SLC12A1: variants seen among roughly 807,000 people sequenced by gnomAD.
The protein encoded by SLC12A1 is solute carrier family 12 member 1.
In SLC12A1, 89 loss-of-function variants were observed where a neutral mutation model predicts 130.4. The observed-to-expected ratio is 0.68, with a 90% CI of 0.58 to 0.81. SLC12A1 has a LOEUF of 0.81. Among genes scored for constraint, SLC12A1 ranks in the 40% least tolerant of loss-of-function variants. SLC12A1 has a pLI of 0.00. For missense variants in SLC12A1, 1,310 were observed against 1,336.4 expected (o/e 0.98, Z 0.31); for synonymous variants, 499 against 460.0 (o/e 1.08, Z -1.09).
chr15:48,230,339 A>G, intron 6 of SLC12A1, 54 bp from the exon 7 acceptor site: 1 of 1,044,228 alleles, frequency 9.6e-7, no homozygotes, highest in Non-Finnish European at 1.5e-6. Context: ...TGCTGCAATA[A>G]GACTCACATG....
chr15:48,289,404 T>C (rs1352900232), intron 23 of SLC12A1, among the ~76,000 whole-genome samples: 2 of 110,022 alleles, frequency 1.8e-5, no homozygotes, highest in African/African-American at 4.8e-5. Flanking sequence ...CATATATATA[T>C]ATATATATAT....
At position 48,303,042 on chromosome 15, in the gene SLC12A1, G is replaced by T. The variant is rs573476791; in HGVS notation, c.*157G>T. 5.1e-4 allele frequency: 274 copies of T among 538,464 alleles called. 7 individuals are homozygous for T. In the South Asian group the frequency reaches 0.011, roughly 22 times the overall value. 33.4% of individuals were successfully genotyped at this position (538,464 alleles called of 1,614,324 possible). ...CATTGCATAATTTTTATCAGTTAAT[G>T]CGAGCTTTTTTTTCTCTTCTCAGCT... On this transcript the variant is annotated 3_prime_UTR_variant, in exon 27 of 27. Coordinates refer to ENST00000380993, the MANE Select transcript of SLC12A1 (RefSeq NM_000338.3).
chr15:48,252,740 A>G (rs2041662300), intron 15 of SLC12A1, among the ~76,000 whole-genome samples: 1 of 152,128 alleles, frequency 6.6e-6, no homozygotes, highest in Admixed American at 6.5e-5. Context: ...GGTTTGGTTA[A>G]TCAGAGTCAG....
chr15:48,215,650 C>T (rs2141010736), intron 2 of SLC12A1, among the ~76,000 whole-genome samples: 1 of 152,300 alleles, frequency 6.6e-6, no homozygotes, highest in Non-Finnish European at 1.5e-5. Flanking sequence ...ACAAACCCTC[C>T]ACCCAAAGTC....
Position 48,279,159 on chromosome 15 carries a change from A to G in SLC12A1, c.2485+4506A>G, listed in dbSNP as rs1284564669. On this transcript the variant is annotated intron_variant, in intron 20 of 26. Coordinates refer to ENST00000380993, the MANE Select transcript of SLC12A1 (RefSeq NM_000338.3). ...GAAATTAACTTTCCGCCACATTTCC[A>G]TGCATTGTTTTGAGGTTTATGTAAT... 2.6e-5 allele frequency among the ~76,000 whole-genome samples: 4 copies of G among 152,242 alleles called. No homozygotes were observed. In the East Asian group the frequency reaches 7.7e-4, roughly 29 times the overall value.
intron 23 of SLC12A1, among the ~76,000 whole-genome samples, chr15:48,289,600 G>A (rs1282336282): frequency 6.6e-6 from 1 of 151,880 alleles, no homozygotes; most frequent in Non-Finnish European, 1.5e-5. Flanking sequence ...AGATGGTATA[G>A]CCTACTACAC....
At chr15:48,277,356 T>C (rs1240889476) in intron 20 of SLC12A1, among the ~76,000 whole-genome samples, 1 of 152,036 alleles carries the variant, frequency 6.6e-6, no homozygotes, top group Non-Finnish European at 1.5e-5. Flanking sequence ...TCATCTAAAA[T>C]TGGAGCAAAG....
Position 48,238,420 on chromosome 15 carries a change from G to A in SLC12A1, c.1216-3095G>A, listed in dbSNP as rs74776987. ...GAAGACAGAAGAGGTTTGAGGCAGC[G>A]TTCAGGCAGACACAGACCTTCAAAG... On this transcript the variant is annotated intron_variant, in intron 9 of 26. Transcript: ENST00000380993. Among the ~76,000 whole-genome samples the A allele has an allele frequency of 2.5e-4, 38 of 152,226 alleles. No individual in the cohort carries two copies. In the East Asian group the frequency reaches 6.8e-3, roughly 27 times the overall value.
rs182729026 is a variant in SLC12A1, at chr15:48,302,349, G to T, written c.3165-401G>T. 6.1e-4 allele frequency among the ~76,000 whole-genome samples: 93 copies of T among 152,024 alleles called. 1 individual carries two copies. The East Asian group carries it at 0.012, about 20-fold the overall frequency. On this transcript the variant is annotated intron_variant, in intron 26 of 26. Transcript: ENST00000380993. ...AAAATTAAGGCTGCCGGCCGGGCGC[G>T]GTGGCTCACGCCTGCAATCCCAGCA...
At chr15:48,294,347 C>CAAAA (rs1202623612) in intron 24 of SLC12A1, among the ~76,000 whole-genome samples, 10 of 46,298 alleles carry the variant, frequency 2.2e-4, no homozygotes, top group African/African-American at 6.5e-4. Flanking sequence ...GACTACATCT[C>CAAAA]AAAAAAAAAA....
In SLC12A1 at chr15:48,249,634, A is replaced by G; in HGVS notation, c.1744A>G (p.Ile582Val). 1 of 1,613,944 alleles carries G rather than the reference A, an allele frequency of 6.2e-7. No homozygotes were observed. The highest frequency in any genetic ancestry group is 8.5e-7 in the Non-Finnish European group (1 of 1,179,844). ...SNFFLASYALINFSCFHASYA... is the reference protein window; with the variant it reads ...SNFFLASYALVNFSCFHASYA... ...CTTTTTCCTGGCCTCATATGCACTT[A>G]TTAATTTCTCCTGCTTCCATGCCTC... The change falls in exon 14 of 27, where the codon ATT becomes GTT. Residue 582 changes from isoleucine to valine, a missense_variant. Physicochemically the swap from Ile to Val is conservative, Grantham distance 29. Transcript: ENST00000380993.
At chr15:48,275,750 C>A (rs2041945187) in intron 20 of SLC12A1, among the ~76,000 whole-genome samples, 1 of 152,016 alleles carries the variant, frequency 6.6e-6, no homozygotes, top group African/African-American at 2.4e-5. Flanking sequence ...AGGAAGCCGA[C>A]AATAGTAAAA....
chr15:48,240,662 C>T (rs894980363), intron 9 of SLC12A1, among the ~76,000 whole-genome samples: 6 of 152,116 alleles, frequency 3.9e-5, no homozygotes, highest in Non-Finnish European at 8.8e-5. Flanking sequence ...GGGACTCATA[C>T]CTGCTGAGAT....
intron 1 of SLC12A1, among the ~76,000 whole-genome samples, chr15:48,206,975 T>C (rs1266765552): frequency 2.6e-5 from 4 of 152,186 alleles, no homozygotes; most frequent in Non-Finnish European, 5.9e-5. Flanking sequence ...ATGGGATGTA[T>C]TTTTTAAATG....
At chr15:48,233,068 A>G (rs1212944528) in intron 8 of SLC12A1, among the ~76,000 whole-genome samples, 9 of 152,236 alleles carry the variant, frequency 5.9e-5, no homozygotes. Flanking sequence ...TGGGCACACC[A>G]TAGGTTTTAG....
intron 2 of SLC12A1, among the ~76,000 whole-genome samples, chr15:48,214,915 T>C (rs2041100949): frequency 6.6e-6 from 1 of 152,084 alleles, no homozygotes; most frequent in Non-Finnish European, 1.5e-5. Flanking sequence ...AACAGGGGGA[T>C]CATCTAGGTG....
chr15:48,268,796 T>C (rs919631701), intron 18 of SLC12A1, among the ~76,000 whole-genome samples: 4 of 152,192 alleles, frequency 2.6e-5, no homozygotes, highest in Non-Finnish European at 5.9e-5. Flanking sequence ...GTTAAATATG[T>C]TGTCACTATT....
At chr15:48,224,907 T>C (rs2041264593) in intron 4 of SLC12A1, 1 of 152,220 alleles carries the variant, frequency 6.6e-6, no homozygotes, top group Non-Finnish European at 1.5e-5. Context: ...TCTCCCTCTC[T>C]TTATAATCAT....
At chr15:48,243,624 A>G (rs1567318928) in intron 10 of SLC12A1, among the ~76,000 whole-genome samples, 1 of 152,252 alleles carries the variant, frequency 6.6e-6, no homozygotes, top group Non-Finnish European at 1.5e-5. Flanking sequence ...ACTGCACTCC[A>G]GCCTGGGTGA....
Sources: allele counts gnomAD v4.1 joint callset (sites outside exome capture counted in the v4.1 genomes callset), GRCh38; gene constraint gnomAD v4.1.1; transcripts MANE v1.5; gene names NCBI Gene and HGNC (gene_info 2026-07-23, HGNC 2026-07-21).